TPRX2: variants seen among roughly 807,000 people sequenced by gnomAD.
The protein encoded by TPRX2 is tetrapeptide repeat homeobox protein 2.
the TPRX2 span, chr19:47,861,211 C>G: frequency 1.6e-6 from 1 of 606,722 alleles, no homozygotes; most frequent in Non-Finnish European, 3.1e-6. Flanking sequence ...GTCTCGATCC[C>G]CGGTCCAATA....
chr19:47,860,665 C>T, the TPRX2 span: 4 of 867,314 alleles, frequency 4.6e-6, no homozygotes, highest in East Asian at 3.2e-5. Context: ...GCCTGGGAGC[C>T]GGGGGCCCTC....
the TPRX2 span, chr19:47,860,938 G>A: frequency 1.1e-4 from 162 of 1,497,418 alleles, no homozygotes; most frequent in African/African-American, 2.0e-3. Flanking sequence ...TCCTTCCCTG[G>A]GGGTCCTGAG....
chr19:47,860,844 C>T, the TPRX2 span: 5 of 1,532,668 alleles, frequency 3.3e-6, no homozygotes, highest in South Asian at 1.2e-5. Flanking sequence ...TCGGGAGCGG[C>T]GGCTCCAGCA....
chr19:47,859,989 G>C, the TPRX2 span: 2 of 629,534 alleles, frequency 3.2e-6, no homozygotes, highest in East Asian at 5.8e-5. Flanking sequence ...ATACCAGGCT[G>C]CTATCCGCGG....
At chr19:47,861,434 C>T in the TPRX2 span, 7 of 701,212 alleles carry the variant, frequency 1.0e-5, no homozygotes, top group African/African-American at 9.1e-5. Context: ...CACTCTCCAC[C>T]ACGACGTCTC....
the TPRX2 span, chr19:47,861,220 T>G: frequency 1.7e-6 from 1 of 578,084 alleles, no homozygotes; most frequent in Non-Finnish European, 3.3e-6. Context: ...CCCGGTCCAA[T>G]ACCAGCCCCC....
the TPRX2 span, chr19:47,860,817 C>A: frequency 4.5e-6 from 7 of 1,540,294 alleles, no homozygotes; most frequent in Non-Finnish European, 5.2e-6. Context: ...GTTCAAGAAT[C>A]GCCGCGCCAA....
At chr19:47,861,456 G>C in the TPRX2 span, 1 of 874,816 alleles carries the variant, frequency 1.1e-6, no homozygotes, top group Non-Finnish European at 1.7e-6. Flanking sequence ...GTACAAAGAG[G>C]AGGATGGCTT....
chr19:47,860,497 C>G, the TPRX2 span, among the ~76,000 whole-genome samples: 1 of 151,618 alleles, frequency 6.6e-6, no homozygotes, highest in Non-Finnish European at 1.5e-5. Context: ...CCCACGGGGT[C>G]TCCCGGTGCC....
the TPRX2 span, chr19:47,860,308 C>T: frequency 6.8e-7 from 1 of 1,465,896 alleles, no homozygotes; most frequent in Non-Finnish European, 9.2e-7. Flanking sequence ...CCACCCCGCC[C>T]GCCCCAGTCA....
At chr19:47,859,846 C>T in the TPRX2 span, among the ~76,000 whole-genome samples, 262 of 144,894 alleles carry the variant, frequency 1.8e-3, 5 homozygotes, top group Non-Finnish European at 3.0e-3. Flanking sequence ...CTGGGGAGGG[C>T]TGAGCAGGCC....
the TPRX2 span, chr19:47,861,002 C>A: frequency 9.1e-7 from 1 of 1,101,186 alleles, no homozygotes; most frequent in Non-Finnish European, 1.3e-6. Context: ...CCTGGGGAGT[C>A]CTCCCAGCAG....
At chr19:47,860,460 C>T in the TPRX2 span, among the ~76,000 whole-genome samples, 2 of 151,502 alleles carry the variant, frequency 1.3e-5, no homozygotes, top group South Asian at 4.2e-4. Flanking sequence ...AGCCCAAACT[C>T]GCCCACATGA....
the TPRX2 span, among the ~76,000 whole-genome samples, chr19:47,860,590 G>GCTCCTCCCCTCCCACCCCACC: frequency 6.6e-6 from 1 of 151,228 alleles, no homozygotes; most frequent in Non-Finnish European, 1.5e-5. Context: ...GGCAGACCCG[G>GCTCCTCCCCTCCCACCCCACC]CTCCTCCCCT....
At chr19:47,861,014 A>G in the TPRX2 span, 1 of 996,140 alleles carries the variant, frequency 1.0e-6, no homozygotes, top group Non-Finnish European at 1.5e-6. Flanking sequence ...TCCCAGCAGC[A>G]GAACCGAAGA....
chr19:47,860,794 C>A, the TPRX2 span: 2 of 1,539,488 alleles, frequency 1.3e-6, no homozygotes, highest in Middle Eastern at 2.3e-4. Flanking sequence ...GTCCCCTCTG[C>A]CCCCCAGGTG....
the TPRX2 span, among the ~76,000 whole-genome samples, chr19:47,860,599 C>A: frequency 6.5e-3 from 985 of 151,578 alleles, 6 homozygotes; most frequent in African/African-American, 0.021. Context: ...GGCTCCTCCC[C>A]TCCCACCCCA....
At chr19:47,859,880 G>T in the TPRX2 span, among the ~76,000 whole-genome samples, 1 of 150,628 alleles carries the variant, frequency 6.6e-6, no homozygotes, top group South Asian at 2.1e-4. Flanking sequence ...TCTGCTCCGA[G>T]GTGAGGCGCC....
the TPRX2 span, chr19:47,861,136 C>T: frequency 3.4e-5 from 24 of 695,972 alleles, no homozygotes; most frequent in Middle Eastern, 1.6e-3. Flanking sequence ...CCAGGCCCAG[C>T]CCAGATCCCA....
Sources: gnomAD v4.1 joint callset for allele counts (sites outside exome capture counted in the v4.1 genomes callset) on GRCh38, gnomAD v4.1.1 for gene constraint, MANE v1.5 for transcripts, NCBI Gene and HGNC (gene_info 2026-07-23, HGNC 2026-07-21) for gene names.